Variants in ACTR3B observed in about 807,000 individuals in gnomAD.
ACTR3B encodes actin related protein 3B.
A neutral mutation model predicts 59.0 loss-of-function variants in ACTR3B; 8 were observed. That is an observed-to-expected ratio of 0.14 (90% confidence interval 0.08 to 0.24). The LOEUF (loss-of-function observed/expected upper bound fraction) is 0.24. Among genes scored for constraint, ACTR3B ranks in the 10% least tolerant of loss-of-function variants. The pLI, the probability that ACTR3B is intolerant of heterozygous loss-of-function variation, is 1.00. For synonymous variants in ACTR3B, 148 were observed against 197.9 expected, an observed-to-expected ratio of 0.75 and a Z score of 2.12; for missense variants, 245 against 552.3, an observed-to-expected ratio of 0.44 and a Z score of 5.58.
At chr7:152,761,060 A>G (rs117817732) in intron 1 of ACTR3B, among the ~76,000 whole-genome samples, 2,073 of 152,148 alleles carry the variant, frequency 0.014, 21 homozygotes, top group Non-Finnish European at 0.022. Context: ...TCCATCTCCT[A>G]CTGTTAGTTC....
At chr7:152,764,447 C>T (rs2098101470) in intron 1 of ACTR3B, among the ~76,000 whole-genome samples, 1 of 151,714 alleles carries the variant, frequency 6.6e-6, no homozygotes, top group African/African-American at 2.4e-5. Flanking sequence ...TCCTGGCTAA[C>T]ACGGTGAAAC....
intron 7 of ACTR3B, among the ~76,000 whole-genome samples, chr7:152,821,406 T>C (rs1796140550): frequency 6.6e-6 from 1 of 151,908 alleles, no homozygotes; most frequent in South Asian, 2.1e-4. Context: ...GCTGGAGCAT[T>C]GCTTGAGGCC....
chr7:152,789,484 T>C (rs537781339), intron 2 of ACTR3B, among the ~76,000 whole-genome samples: 2 of 150,970 alleles, frequency 1.3e-5, no homozygotes, highest in Non-Finnish European at 2.9e-5. Context: ...CGTCAAAATA[T>C]TTTAAAAATT....
chr7:152,838,373 A>T (rs566686846), intron 9 of ACTR3B, among the ~76,000 whole-genome samples: 2 of 152,340 alleles, frequency 1.3e-5, no homozygotes, highest in African/African-American at 2.4e-5. Flanking sequence ...GGATGAGTTC[A>T]TGTCCTTTGC....
chr7:152,759,865 G>C lies in ACTR3B; in HGVS notation c.-18G>C. The C allele has an allele frequency of 7.7e-7, 1 of 1,303,576 alleles. No homozygotes were observed. The allele number at this position is 1,303,576 out of a possible 1,614,324, so 80.8% of individuals were successfully genotyped here. ...GCTCTCGGGCTGCCGGCGGGGCCGA[G>C]CGCCGCGCGTCCCGAGCATGGCAGG... On this transcript the variant is annotated 5_prime_UTR_variant, in exon 1 of 12. Transcript: ENST00000256001.
At chr7:152,765,462 A>G (rs1590188181) in intron 1 of ACTR3B, among the ~76,000 whole-genome samples, 1 of 144,764 alleles carries the variant, frequency 6.9e-6, no homozygotes, top group East Asian at 2.0e-4. Flanking sequence ...TGTGAGATGC[A>G]TTGTTACAGG....
In ACTR3B at chr7:152,800,430, A is replaced by G. The variant is rs565173316; in HGVS notation, c.101-101A>G. 21 of 1,450,660 alleles carry G rather than the reference A, an allele frequency of 1.4e-5. No homozygotes were observed. The African/African-American group carries it at 3.0e-4, about 21-fold the overall frequency. The allele number at this position is 1,450,660 out of a possible 1,614,324, so 89.9% of individuals were successfully genotyped here. A position where few individuals can be genotyped will look rare whatever the true frequency, so the allele number is the denominator to read the frequency against. On this transcript the variant is annotated intron_variant, in intron 2 of 11. Coordinates refer to ENST00000256001, the MANE Select transcript of ACTR3B (RefSeq NM_020445.6). ...CCTTCACCCCACATGGAGCCCTAAC[A>G]ATGAAAATTTACTTGTGTGTATATA...
At chr7:152,810,786 C>T (rs1283346198) in intron 4 of ACTR3B, 1 of 151,708 alleles carries the variant, frequency 6.6e-6, no homozygotes. Context: ...CCTGTAATCC[C>T]AGCTACTCTG....
At chr7:152,807,472 A>C (rs1044750910) in intron 4 of ACTR3B, among the ~76,000 whole-genome samples, 2 of 152,074 alleles carry the variant, frequency 1.3e-5, no homozygotes, top group Middle Eastern at 3.4e-3. Flanking sequence ...TATAAGAAAT[A>C]ATGTAATCTT....
chr7:152,809,381 A>G (rs1193214774), intron 4 of ACTR3B, among the ~76,000 whole-genome samples: 1 of 152,032 alleles, frequency 6.6e-6, no homozygotes, highest in Admixed American at 6.5e-5. Context: ...TGCAGAACTG[A>G]AAAGGTGCTG....
At chr7:152,815,450 A>C (rs1162360902) in intron 5 of ACTR3B, among the ~76,000 whole-genome samples, 1 of 152,230 alleles carries the variant, frequency 6.6e-6, no homozygotes, top group African/African-American at 2.4e-5. Flanking sequence ...TTCAGGAGAC[A>C]TAAGACTGGT....
intron 9 of ACTR3B, among the ~76,000 whole-genome samples, chr7:152,833,620 G>A (rs761991660): frequency 6.6e-6 from 1 of 152,086 alleles, no homozygotes; most frequent in Non-Finnish European, 1.5e-5. Context: ...TAAGAAGAGC[G>A]CCTCTTAGTA....
intron 2 of ACTR3B, among the ~76,000 whole-genome samples, chr7:152,791,407 A>T (rs1414136953): frequency 6.7e-6 from 1 of 150,148 alleles, no homozygotes; most frequent in African/African-American, 2.5e-5. Context: ...TCTGTATTTA[A>T]AATATTTTAT....
intron 6 of ACTR3B, among the ~76,000 whole-genome samples, chr7:152,819,233 TAGG>T (rs1479513820): frequency 1.3e-5 from 2 of 152,148 alleles, no homozygotes; most frequent in African/African-American, 2.4e-5. Flanking sequence ...AAAGAAACCA[TAGG>T]AGGAATTCAG....
intron 2 of ACTR3B, among the ~76,000 whole-genome samples, chr7:152,792,734 C>T (rs184339007): frequency 1.3e-5 from 2 of 148,692 alleles, no homozygotes; most frequent in East Asian, 2.0e-4. Context: ...GGTGACAGAG[C>T]GATACTCCAT....
chr7:152,759,806 G>C lies in ACTR3B; in HGVS notation c.-77G>C. The C allele has an allele frequency of 1.8e-6, 2 of 1,109,314 alleles. No homozygotes were observed. Among genetic ancestry groups the C allele is most frequent in the Non-Finnish European group, 2.2e-6 (2 of 897,298 alleles). 68.7% of individuals were successfully genotyped at this position (1,109,314 alleles called of 1,614,324 possible). A position where few individuals can be genotyped will look rare whatever the true frequency, so the allele number is the denominator to read the frequency against. ...GGCTCGCGGGAGACGCTGCGCGCGG[G>C]GCTAGCGGGCGGCGGAGCGGACGGC... On this transcript the variant is annotated 5_prime_UTR_variant, in exon 1 of 12. Coordinates refer to ENST00000256001, the MANE Select transcript of ACTR3B (RefSeq NM_020445.6).
At chr7:152,806,136 A>G (rs1164554777) in intron 4 of ACTR3B, among the ~76,000 whole-genome samples, 3 of 152,246 alleles carry the variant, frequency 2.0e-5, no homozygotes, top group African/African-American at 7.2e-5. Flanking sequence ...AAAAAAACCC[A>G]GAAAAACTGG....
intron 9 of ACTR3B, among the ~76,000 whole-genome samples, chr7:152,832,743 C>G (rs397843459): frequency 6.6e-6 from 1 of 152,082 alleles, no homozygotes; most frequent in Non-Finnish European, 1.5e-5. Flanking sequence ...TTGTAGGAAG[C>G]CTGGCAGGCT....
At chr7:152,773,432 CA>C (rs2098128976) in intron 1 of ACTR3B, among the ~76,000 whole-genome samples, 1 of 151,990 alleles carries the variant, frequency 6.6e-6, no homozygotes, top group African/African-American at 2.4e-5. Context: ...ACTAAAAATA[CA>C]AAAATTAGCT....
Sources: gnomAD v4.1 joint callset for allele counts (sites outside exome capture counted in the v4.1 genomes callset) on GRCh38, gnomAD v4.1.1 for gene constraint, MANE v1.5 for transcripts, NCBI Gene and HGNC (gene_info 2026-07-23, HGNC 2026-07-21) for gene names.